Variants in GOLGA4 observed in about 807,000 individuals in gnomAD.
The protein encoded by GOLGA4 is golgin subfamily A member 4.
A neutral mutation model predicts 265.9 loss-of-function variants in GOLGA4; 169 were observed. That is an observed-to-expected ratio of 0.64 (90% CI 0.56 to 0.72). The LOEUF (loss-of-function observed/expected upper bound fraction) is 0.72, where lower values mean the gene tolerates loss of function less well. GOLGA4 is among the 30% of genes least tolerant of loss of function. The probability of loss-of-function intolerance (pLI) is 0.00; values close to 1 mark genes in which losing one functional copy is unlikely to be tolerated. For synonymous variants in GOLGA4, 923 were observed against 855.8 expected (o/e 1.08, Z -1.37); for missense variants, 2,482 against 2,483.4 (o/e 1.00, Z 0.01).
At chr3:37,284,652 C>T (rs2096843474) in intron 3 of GOLGA4, among the ~76,000 whole-genome samples, 1 of 148,818 alleles carries the variant, frequency 6.7e-6, no homozygotes, top group South Asian at 2.1e-4. Context: ...CTAGACTCAC[C>T]TTCCATTGCT....
At chr3:37,262,188 G>T (rs964895604) in intron 2 of GOLGA4, among the ~76,000 whole-genome samples, 8 of 152,096 alleles carry the variant, frequency 5.3e-5, no homozygotes, top group Admixed American at 2.6e-4. Context: ...AGACTAGATG[G>T]ATACGAAAAA....
chr3:37,273,522 T>C (rs1387835567), intron 2 of GOLGA4: 1 of 1,447,080 alleles, frequency 6.9e-7, no homozygotes, highest in Admixed American at 2.0e-5. Context: ...ACAATGTTTC[T>C]TTCTTTTTCT....
chr3:37,362,552 T>A (rs114283032), intron 23 of GOLGA4, among the ~76,000 whole-genome samples: 2,485 of 151,546 alleles, frequency 0.016, 55 homozygotes, highest in African/African-American at 0.053. Flanking sequence ...TATTTTTTTT[T>A]AAAAAATAAG....
At chr3:37,344,841 T>C (rs899421401) in intron 20 of GOLGA4, among the ~76,000 whole-genome samples, 10 of 152,334 alleles carry the variant, frequency 6.6e-5, no homozygotes, top group African/African-American at 2.4e-4. Flanking sequence ...AAAAAGAGAA[T>C]TGGCATTTAT....
At chr3:37,307,122 GT>G (rs1284969707) in intron 10 of GOLGA4, among the ~76,000 whole-genome samples, 1 of 152,046 alleles carries the variant, frequency 6.6e-6, no homozygotes, top group Non-Finnish European at 1.5e-5. Flanking sequence ...TGTAAACCCC[GT>G]TTCCCTTTCA....
intron 3 of GOLGA4, among the ~76,000 whole-genome samples, chr3:37,282,599 T>C (rs1248130763): frequency 2.0e-5 from 3 of 152,240 alleles, no homozygotes; most frequent in African/African-American, 7.2e-5. Context: ...GTTCATCTTC[T>C]GGCTCATATC....
At chr3:37,351,591 A>G (rs571179365) in intron 21 of GOLGA4, among the ~76,000 whole-genome samples, 1 of 152,184 alleles carries the variant, frequency 6.6e-6, no homozygotes, top group Non-Finnish European at 1.5e-5. Context: ...AGAAAACTTG[A>G]AAGTTGGAAT....
chr3:37,306,692 C>A (rs998017571), intron 10 of GOLGA4, among the ~76,000 whole-genome samples: 1 of 151,942 alleles, frequency 6.6e-6, no homozygotes, highest in Non-Finnish European at 1.5e-5. Context: ...TAATACGGCA[C>A]ATTCAATTTT....
At position 37,323,843 on chromosome 3, in the gene GOLGA4, A is replaced by G. The variant is rs764196482; in HGVS notation, c.1957A>G (p.Lys653Glu). 1.9e-6 allele frequency: 3 copies of G among 1,610,420 alleles called. No homozygotes were observed. The highest frequency in any genetic ancestry group is 1.1e-5 in the South Asian group (1 of 89,868). Residue 653 changes from lysine to glutamate, a missense_variant, in exon 14 of 24, where the codon AAA becomes GAA. Coordinates refer to ENST00000361924, the MANE Select transcript of GOLGA4 (RefSeq NM_002078.5). ...EKLREKCEQE[K>E]ETLLKDKEII... ...ACTTAGGGAAAAGTGTGAACAAGAAAAAGAAACATTGTTGAAAGACAAAGA... is the reference window on the plus strand; with the variant it reads ...ACTTAGGGAAAAGTGTGAACAAGAAGAAGAAACATTGTTGAAAGACAAAGA...
chr3:37,273,994 G>A (rs1052135508), intron 2 of GOLGA4, among the ~76,000 whole-genome samples: 1 of 151,638 alleles, frequency 6.6e-6, no homozygotes, highest in South Asian at 2.1e-4. Flanking sequence ...CAGCTACTTA[G>A]TTGGCTGAAG....
intron 2 of GOLGA4, among the ~76,000 whole-genome samples, chr3:37,280,462 G>A (rs1467574318): frequency 2.0e-5 from 3 of 152,052 alleles, no homozygotes; most frequent in African/African-American, 7.2e-5. Context: ...AATGAATTTC[G>A]TGTTTAGACT....
intron 21 of GOLGA4, among the ~76,000 whole-genome samples, chr3:37,350,069 C>T (rs2151051173): frequency 1.3e-5 from 2 of 152,240 alleles, no homozygotes; most frequent in Middle Eastern, 6.8e-3. Flanking sequence ...TCATCCTAAG[C>T]TTTATTGAAG....
chr3:37,272,331 A>G (rs2096801063), intron 2 of GOLGA4, among the ~76,000 whole-genome samples: 1 of 152,104 alleles, frequency 6.6e-6, no homozygotes. Flanking sequence ...AGGGCAGATC[A>G]CCTGAGACCA....
At chr3:37,315,107 TG>T (rs769579418) in intron 10 of GOLGA4, among the ~76,000 whole-genome samples, 3 of 152,198 alleles carry the variant, frequency 2.0e-5, no homozygotes, top group Non-Finnish European at 4.4e-5. Flanking sequence ...TTTCTTTAAA[TG>T]TACTATCCAT....
At chr3:37,356,301 C>G (rs1227542791) in intron 22 of GOLGA4, among the ~76,000 whole-genome samples, 2 of 152,036 alleles carry the variant, frequency 1.3e-5, no homozygotes, top group African/African-American at 4.8e-5. Context: ...TGAAGGGACC[C>G]CAATATCTCA....
chr3:37,261,396 C>T (rs1027706467), intron 2 of GOLGA4, among the ~76,000 whole-genome samples: 7 of 152,232 alleles, frequency 4.6e-5, no homozygotes, highest in African/African-American at 1.4e-4. Context: ...GTAAACATCT[C>T]CTTGGGCTGA....
chr3:37,337,251 G>C, intron 18 of GOLGA4, 88 bp downstream of exon 18: 2 of 720,952 alleles, frequency 2.8e-6, no homozygotes, highest in Non-Finnish European at 4.7e-6. Context: ...CCAGGCTGGA[G>C]TGCAGTGATG....
chr3:37,365,763 A>C (rs184637448), intron 23 of GOLGA4, among the ~76,000 whole-genome samples: 3 of 151,586 alleles, frequency 2.0e-5, no homozygotes, highest in Admixed American at 1.3e-4. Context: ...AATTTTTAGA[A>C]GATACCTTTA....
chr3:37,251,675 CTGTCTGTA>C (rs2096734199), intron 2 of GOLGA4, among the ~76,000 whole-genome samples, 191 bp downstream of exon 2: 1 of 135,728 alleles, frequency 7.4e-6, no homozygotes, highest in African/African-American at 2.8e-5. Context: ...GTCTGTCTGT[CTGTCTGTA>C]TGTATGTATG....
Sources: allele counts gnomAD v4.1 joint callset (sites outside exome capture counted in the v4.1 genomes callset), GRCh38; gene constraint gnomAD v4.1.1; transcripts MANE v1.5; gene names NCBI Gene and HGNC (gene_info 2026-07-23, HGNC 2026-07-21).